The following IL20RB variants were observed in gnomAD, a reference collection of about 807,000 sequenced individuals.
The protein encoded by IL20RB is interleukin 20 receptor subunit beta.
In IL20RB, 21 loss-of-function variants were observed where a neutral mutation model predicts 33.3. That is an observed-to-expected ratio of 0.63 (90% CI 0.45 to 0.91). The LOEUF is 0.91. IL20RB is among the 40% of genes least tolerant of loss of function. The probability of loss-of-function intolerance (pLI) is 0.00; values close to 1 mark genes in which losing one functional copy is unlikely to be tolerated. For missense variants in IL20RB, 345 were observed against 384.8 expected (o/e 0.90, Z 0.86); for synonymous variants, 147 against 146.8 (o/e 1.00, Z -0.01).
Position 136,982,316 on chromosome 3 carries a change from G to C in IL20RB, c.372G>C (p.Trp124Cys), listed in dbSNP as rs779746099. The change falls in exon 3 of 7, where the codon TGG (tryptophan) becomes TGC (cysteine). Residue 124 changes from tryptophan (W) to cysteine (C), a missense_variant. Coordinates refer to ENST00000329582, the MANE Select transcript of IL20RB (RefSeq NM_144717.4). The stretch of plus-strand genomic sequence containing the variant: ...CATTGGGCTCACAGACCTCAGCCTG[G>C]AGCATCCTGAAGCATCCCTTTAATA... ...RATLGSQTSA[W>C]SILKHPFNRN... 6.2e-7 allele frequency: 1 copy of C among 1,605,240 alleles called. No individual in the cohort carries two copies. Among genetic ancestry groups the C allele is most frequent in the South Asian group, 1.1e-5 (1 of 90,592 alleles).
chr3:136,958,182 G>T lies in IL20RB; in HGVS notation c.69G>T (p.Leu23Phe). ...TTTTCATGTGGTTTTTCTACGCATT[G>T]ATTCCATGTTTGCTCACAGGTAAGT... Reference protein sequence around the residue: ...TSLFMWFFYALIPCLLTDEVA... With the variant: ...TSLFMWFFYAFIPCLLTDEVA... The change falls in exon 1 of 7, where the codon TTG becomes TTT. Residue 23 changes from leucine to phenylalanine, a missense_variant. Physicochemically the swap from Leu to Phe is conservative, Grantham distance 22. Transcript: ENST00000329582. The T allele has an allele frequency of 3.7e-6, 6 of 1,607,524 alleles. No homozygotes were observed. Among genetic ancestry groups the T allele is most frequent in the Non-Finnish European group, 5.1e-6 (6 of 1,174,070 alleles).
rs1942042322 is a variant in IL20RB, at chr3:136,991,999, G to A, written c.593G>A (p.Gly198Glu). The change falls in exon 5 of 7, where the codon GGG becomes GAG. Residue 198 changes from glycine to glutamate, a missense_variant. Physicochemically the swap from Gly to Glu is moderately conservative, Grantham distance 98. Coordinates refer to ENST00000329582, the MANE Select transcript of IL20RB (RefSeq NM_144717.4). ...GTGCACCTAGAAACCATGGAGCCAG[G>A]GGCTGCATACTGTGTGAAGGCCCAG... ...IPVHLETMEP[G>E]AAYCVKAQTF... The A allele has an allele frequency of 1.2e-6, 2 of 1,614,162 alleles. No homozygotes were observed. Among genetic ancestry groups the A allele is most frequent in the Non-Finnish European group, 8.5e-7 (1 of 1,180,000 alleles).
At chr3:137,002,647 T>C (rs1942269796) in intron 6 of IL20RB, among the ~76,000 whole-genome samples, 1 of 152,174 alleles carries the variant, frequency 6.6e-6, no homozygotes, top group Admixed American at 6.5e-5. Flanking sequence ...TTGTTTGAGT[T>C]CTTTGTAGAA....
At chr3:136,983,461 G>A (rs979830393) in intron 3 of IL20RB, among the ~76,000 whole-genome samples, 6 of 152,354 alleles carry the variant, frequency 3.9e-5, no homozygotes, top group African/African-American at 1.2e-4. Flanking sequence ...AAGCCTGCAG[G>A]ACAGGGGAAG....
chr3:136,977,675 A>G (rs1941654496), intron 1 of IL20RB, among the ~76,000 whole-genome samples: 1 of 152,050 alleles, frequency 6.6e-6, no homozygotes, highest in Admixed American at 6.6e-5. Context: ...ACAGGCACGC[A>G]CTACCACGCC....
chr3:136,986,594 C>T, intron 3 of IL20RB: 1 of 442,230 alleles, frequency 2.3e-6, no homozygotes, highest in South Asian at 1.6e-5. Context: ...CCAAGTCCTC[C>T]TGACCCCTGT....
At chr3:136,987,129 G>A (rs757876196) in intron 3 of IL20RB, among the ~76,000 whole-genome samples, 1 of 151,820 alleles carries the variant, frequency 6.6e-6, no homozygotes, top group African/African-American at 2.4e-5. Context: ...GGACCCGAGC[G>A]GGTTGCCACT....
chr3:136,962,854 T>C (rs1166231660), intron 1 of IL20RB, among the ~76,000 whole-genome samples: 3 of 126,092 alleles, frequency 2.4e-5, no homozygotes, highest in African/African-American at 9.2e-5. Flanking sequence ...AAATCCTGAA[T>C]TGGATTTTGG....
chr3:136,980,736 A>G (rs912602334), intron 2 of IL20RB, 144 bp downstream of exon 2: 1 of 770,530 alleles, frequency 1.3e-6, no homozygotes, highest in Admixed American at 2.7e-5. Flanking sequence ...CTGCATAGGC[A>G]TTGAAAGAGT....
At chr3:136,959,811 C>A (rs2108167767) in intron 1 of IL20RB, among the ~76,000 whole-genome samples, 3 of 152,284 alleles carry the variant, frequency 2.0e-5, no homozygotes, top group Admixed American at 2.0e-4. Flanking sequence ...CTGTTACTCA[C>A]TAGCTCAGGA....
intron 1 of IL20RB, among the ~76,000 whole-genome samples, chr3:136,961,330 C>G (rs757231759): frequency 6.6e-6 from 1 of 152,122 alleles, no homozygotes; most frequent in African/African-American, 2.4e-5. Context: ...TTTAACTATT[C>G]TTTAGCCACC....
rs1933069693 is a variant in IL20RB at position 137,010,556 on chromosome 3, G to A, written c.*333G>A. 3 of 234,950 alleles carry A rather than the reference G, an allele frequency of 1.3e-5. No individual in the cohort carries two copies. Among genetic ancestry groups the A allele is most frequent in the South Asian group, 1.7e-4 (2 of 12,012 alleles). The allele number at this position is 234,950 out of a possible 1,614,324, so 14.6% of individuals were successfully genotyped here. A position where few individuals can be genotyped will look rare whatever the true frequency, so the allele number is the denominator to read the frequency against. ...CACCTGCTAAACACACACACACAGA[G>A]TCTCTCTCTATATATACACACGTAC... On this transcript the variant is annotated 3_prime_UTR_variant, in exon 7 of 7. Coordinates refer to ENST00000329582, the MANE Select transcript of IL20RB (RefSeq NM_144717.4).
At chr3:136,962,373 G>A (rs759784866) in intron 1 of IL20RB, among the ~76,000 whole-genome samples, 4 of 152,158 alleles carry the variant, frequency 2.6e-5, no homozygotes, top group Non-Finnish European at 4.4e-5. Context: ...TGGAAAAAAT[G>A]TGTAACCTCA....
intron 2 of IL20RB, among the ~76,000 whole-genome samples, chr3:136,981,265 T>TTTAAATTTAA (rs1941766298): frequency 1.4e-5 from 2 of 146,424 alleles, no homozygotes; most frequent in Non-Finnish European, 3.0e-5. Context: ...GCTATTTAAA[T>TTTAAATTTAA]TTAAATTAAA....
At chr3:136,972,091 AT>A (rs1466472094) in intron 1 of IL20RB, among the ~76,000 whole-genome samples, 1 of 152,150 alleles carries the variant, frequency 6.6e-6, no homozygotes, top group Non-Finnish European at 1.5e-5. Flanking sequence ...ATGGTTAGTG[AT>A]ATTGAACATT....
intron 6 of IL20RB, among the ~76,000 whole-genome samples, chr3:137,002,910 A>AT (rs1335722420): frequency 6.6e-6 from 1 of 152,170 alleles, no homozygotes; most frequent in Non-Finnish European, 1.5e-5. Context: ...TAGGTCTAAC[A>AT]TTTAAGTCTT....
chr3:137,010,243 T>A lies in IL20RB; in HGVS notation c.*20T>A. 1 of 1,161,534 alleles carries A rather than the reference T, an allele frequency of 8.6e-7. No homozygotes were observed. The highest frequency in any genetic ancestry group is 1.3e-6 in the Non-Finnish European group (1 of 768,028). 72.0% of individuals were successfully genotyped at this position (1,161,534 alleles called of 1,614,324 possible). ...TCATAGGTTTGCGGAAGGGCCCAGG[T>A]GAAGCCGAGAACCTGGTCTGCATGA... On this transcript the variant is annotated 3_prime_UTR_variant, in exon 7 of 7. Coordinates refer to ENST00000329582, the MANE Select transcript of IL20RB (RefSeq NM_144717.4).
chr3:136,985,427 T>C lies in IL20RB; in HGVS notation c.406+3077T>C, dbSNP rs367909413. Among the ~76,000 whole-genome samples, 38 of 150,542 alleles carry C rather than the reference T, an allele frequency of 2.5e-4. 1 individual carries two copies. The East Asian group carries it at 6.7e-3, about 27-fold the overall frequency. On this transcript the variant is annotated intron_variant, in intron 3 of 6. Transcript: ENST00000329582. ...ATCTTAGCTCACTGCAACCTCCACC[T>C]CCTGGGTTCTAGCGTTTCTCCTGCC...
At chr3:136,983,774 A>T (rs1941838401) in intron 3 of IL20RB, among the ~76,000 whole-genome samples, 1 of 152,204 alleles carries the variant, frequency 6.6e-6, no homozygotes, top group Admixed American at 6.5e-5. Flanking sequence ...TGGCAGCTGG[A>T]AATCAGTCCC....
Sources: gnomAD v4.1 joint callset for allele counts (sites outside exome capture counted in the v4.1 genomes callset) on GRCh38, gnomAD v4.1.1 for gene constraint, MANE v1.5 for transcripts, NCBI Gene and HGNC (gene_info 2026-07-23, HGNC 2026-07-21) for gene names.